Variants in RABGAP1 observed in about 807,000 individuals in gnomAD.
The protein encoded by RABGAP1 is RAB GTPase activating protein 1.
A neutral mutation model predicts 137.6 loss-of-function variants in RABGAP1; 23 were observed. The ratio of observed to expected loss-of-function variants is 0.17; its 90% confidence interval spans 0.12 to 0.24. The LOEUF (loss-of-function observed/expected upper bound fraction) is 0.24. Among genes scored for constraint, RABGAP1 ranks in the 10% least tolerant of loss-of-function variants. The probability of loss-of-function intolerance (pLI) is 1.00; values close to 1 mark genes in which losing one functional copy is unlikely to be tolerated. For synonymous variants in RABGAP1, 451 were observed against 450.7 expected (o/e 1.00, Z -0.01); for missense variants, 906 against 1,275.8 (o/e 0.71, Z 4.42).
chr9:123,089,753 T>TAC lies in RABGAP1; in HGVS notation c.2425-3_2425-2dup. On this transcript the variant is annotated splice_region_variant and splice_polypyrimidine_tract_variant and intron_variant, in intron 19 of 25. Coordinates refer to ENST00000373647, the MANE Select transcript of RABGAP1 (RefSeq NM_012197.4). ...TCTTAATTTACCCTATGATTTATCC[T>TAC]ACAGATTAGTCAGAAGAAGTTGAAA... 6.2e-6 allele frequency: 10 copies of TAC among 1,607,698 alleles called. No individual in the cohort carries two copies. The highest frequency in any genetic ancestry group is 8.5e-6 in the Non-Finnish European group (10 of 1,175,324).
chr9:123,092,268 A>G (rs2035052870), intron 21 of RABGAP1, among the ~76,000 whole-genome samples: 1 of 152,210 alleles, frequency 6.6e-6, no homozygotes, highest in Non-Finnish European at 1.5e-5. Context: ...AAGTCATCTT[A>G]TCCTGACACA....
chr9:123,074,468 A>G (rs1281123047), intron 17 of RABGAP1, 40 bp downstream of exon 17: 1 of 1,565,094 alleles, frequency 6.4e-7, no homozygotes, highest in South Asian at 1.1e-5. Context: ...TTTTGTTTGC[A>G]GTGTACTTGA....
Position 122,990,059 on chromosome 9 carries a change from A to C in RABGAP1, c.769A>C (p.Ser257Arg), listed in dbSNP as rs748736469. 6.1e-5 allele frequency: 97 copies of C among 1,597,668 alleles called. 1 individual carries two copies. The South Asian group carries it at 6.2e-4, about 10-fold the overall frequency. ...TTCCTAACATGTCTGGTTGTAGGTAAGCCGGATACTTTACAGTTTTGCCAC... is the reference window on the plus strand; with the variant it reads ...TTCCTAACATGTCTGGTTGTAGGTACGCCGGATACTTTACAGTTTTGCCAC... ...VFRCEIQEAV[S>R]RILYSFATAF... The change falls in exon 6 of 26, where the codon AGC becomes CGC. Residue 257 changes from serine (S) to arginine (R), a missense_variant. Transcript: ENST00000373647.
At chr9:122,963,753 A>G (rs1054220672) in intron 2 of RABGAP1, among the ~76,000 whole-genome samples, 1 of 77,370 alleles carries the variant, frequency 1.3e-5, no homozygotes, top group African/African-American at 2.5e-5. Context: ...AGAAGGAAGG[A>G]AAATAAAAGA....
intron 21 of RABGAP1, among the ~76,000 whole-genome samples, chr9:123,092,273 G>A (rs2035053091): frequency 6.6e-6 from 1 of 152,104 alleles, no homozygotes; most frequent in Non-Finnish European, 1.5e-5. Flanking sequence ...ATCTTATCCT[G>A]ACACAGTAGT....
chr9:123,032,171 G>A (rs1186464035), intron 13 of RABGAP1, among the ~76,000 whole-genome samples: 6 of 152,190 alleles, frequency 3.9e-5, no homozygotes, highest in African/African-American at 1.4e-4. Context: ...TTTAGTTGTA[G>A]GAGCAGAAAG....
intron 10 of RABGAP1, among the ~76,000 whole-genome samples, chr9:123,004,313 T>C (rs79781497): frequency 2.6e-5 from 4 of 152,288 alleles, no homozygotes; most frequent in South Asian, 4.1e-4. Context: ...GTTTTTTTTT[T>C]CCTTCACTCT....
chr9:123,035,373 C>T (rs1406414357), intron 13 of RABGAP1: 1 of 1,614,074 alleles, frequency 6.2e-7, no homozygotes, highest in Non-Finnish European at 8.5e-7. Context: ...TGCCATATAT[C>T]ATCTACTTCT....
chr9:123,037,832 A>G (rs1460218400), intron 13 of RABGAP1, among the ~76,000 whole-genome samples: 2 of 152,112 alleles, frequency 1.3e-5, no homozygotes, highest in African/African-American at 4.8e-5. Context: ...TTCATGTTTA[A>G]CTGAACTTTT....
chr9:122,935,016 T>C, the RABGAP1 span, among the ~76,000 whole-genome samples: 2 of 152,370 alleles, frequency 1.3e-5, no homozygotes, highest in Admixed American at 6.5e-5. Flanking sequence ...AGGTGGGATT[T>C]ATATCTGTCA....
chr9:122,947,751 T>G (rs1834018363), intron 1 of RABGAP1, among the ~76,000 whole-genome samples: 1 of 152,154 alleles, frequency 6.6e-6, no homozygotes, highest in African/African-American at 2.4e-5. Context: ...ATTCTTTTGG[T>G]TTTGGTTTTG....
intron 21 of RABGAP1, among the ~76,000 whole-genome samples, chr9:123,096,631 C>T (rs558426491): frequency 8.5e-5 from 13 of 152,246 alleles, no homozygotes; most frequent in African/African-American, 2.6e-4. Flanking sequence ...TGCAATGGTG[C>T]GATCTTGGCT....
intron 6 of RABGAP1, among the ~76,000 whole-genome samples, chr9:122,995,098 G>T (rs1053760293): frequency 6.6e-6 from 1 of 152,056 alleles, no homozygotes; most frequent in Non-Finnish European, 1.5e-5. Flanking sequence ...CAACCTGGGT[G>T]ACAGATCAAG....
At chr9:123,040,580 G>A (rs868857994) in intron 13 of RABGAP1, among the ~76,000 whole-genome samples, 1 of 152,084 alleles carries the variant, frequency 6.6e-6, no homozygotes, top group Non-Finnish European at 1.5e-5. Context: ...TTAGTAGTCT[G>A]CAAGCCTGCA....
In RABGAP1 at chr9:123,051,745, TTTTATTTTA is replaced by T. The variant is rs1176603806; in HGVS notation, c.1795-13599_1795-13591del. On this transcript the variant is annotated intron_variant, in intron 13 of 25. Coordinates refer to ENST00000373647, the MANE Select transcript of RABGAP1 (RefSeq NM_012197.4). ...ATAAGAGTCTAGAAGAGAAAAGCTA[TTTTATTTTA>T]TTTTATTTTATTTTATTTTATTTTA... Among the ~76,000 whole-genome samples the T allele has an allele frequency of 1.9e-3, 18 of 9,716 alleles. No homozygotes were observed. The African/African-American group carries it at 0.048, about 26-fold the overall frequency. The allele number at this position is 9,716 out of a possible 152,430, so 6.4% of individuals were successfully genotyped here.
At chr9:122,980,204 A>G (rs575036283) in intron 2 of RABGAP1, among the ~76,000 whole-genome samples, 1 of 152,362 alleles carries the variant, frequency 6.6e-6, no homozygotes, top group Non-Finnish European at 1.5e-5. Flanking sequence ...AATATTTATT[A>G]TCTGGCCGTT....
chr9:122,954,067 C>T (rs1246391803), intron 1 of RABGAP1, among the ~76,000 whole-genome samples: 1 of 152,118 alleles, frequency 6.6e-6, no homozygotes, highest in East Asian at 1.9e-4. Context: ...ACTTTATTGT[C>T]AATGGGAATT....
intron 13 of RABGAP1, among the ~76,000 whole-genome samples, chr9:123,041,072 G>T (rs1380036287): frequency 6.6e-6 from 1 of 152,200 alleles, no homozygotes; most frequent in Non-Finnish European, 1.5e-5. Context: ...ACATGTGTAT[G>T]TGTGTAATTC....
At chr9:122,974,208 G>A (rs557986328) in intron 2 of RABGAP1, among the ~76,000 whole-genome samples, 14 of 152,166 alleles carry the variant, frequency 9.2e-5, no homozygotes, top group Admixed American at 7.2e-4. Context: ...AACTGTGTGA[G>A]AATGTAATTG....
Sources: allele counts gnomAD v4.1 joint callset (sites outside exome capture counted in the v4.1 genomes callset), GRCh38; gene constraint gnomAD v4.1.1; transcripts MANE v1.5; gene names NCBI Gene and HGNC (gene_info 2026-07-23, HGNC 2026-07-21).